ZDHHC21: variants seen among roughly 807,000 people sequenced by gnomAD.
ZDHHC21 encodes the protein zDHHC palmitoyltransferase 21.
In ZDHHC21, 15 loss-of-function variants were observed where a neutral mutation model predicts 34.6. The ratio of observed to expected loss-of-function variants is 0.43; its 90% CI spans 0.29 to 0.67. ZDHHC21 has a LOEUF of 0.67. Ranked by LOEUF, ZDHHC21 falls within the 30% of genes least tolerant of loss-of-function variation. ZDHHC21 has a pLI of 0.14. For missense variants in ZDHHC21, 344 were observed against 327.7 expected (o/e 1.05, Z -0.38); for synonymous variants, 142 against 101.8 (o/e 1.40, Z -2.38).
chr9:14,611,336 G>C lies in ZDHHC21; in HGVS notation c.*7630C>G, dbSNP rs1336802008. 1 of 151,812 alleles carries C rather than the reference G, an allele frequency of 6.6e-6. No individual in the cohort carries two copies. Among genetic ancestry groups the C allele is most frequent in the Non-Finnish European group, 1.5e-5 (1 of 67,868 alleles). The allele number at this position is 151,812 out of a possible 1,614,324, so 9.4% of individuals were successfully genotyped here. A position where few individuals can be genotyped will look rare whatever the true frequency, so the allele number is the denominator to read the frequency against. ...CATCTCAGCTACATGGTTCCCACTT[G>C]TCATTTCACCCATTTTACTCACTCT... On this transcript the variant is annotated 3_prime_UTR_variant, in exon 10 of 10. Transcript: ENST00000380916.
chr9:14,624,164 G>A (rs758102441), intron 8 of ZDHHC21, among the ~76,000 whole-genome samples: 13 of 151,928 alleles, frequency 8.6e-5, no homozygotes, highest in East Asian at 7.7e-4. Context: ...TAGTATTTAC[G>A]TTGTATCGGG....
intron 5 of ZDHHC21, among the ~76,000 whole-genome samples, chr9:14,664,106 T>C (rs1000536028): frequency 9.9e-5 from 15 of 152,168 alleles, no homozygotes; most frequent in Middle Eastern, 3.4e-3. Flanking sequence ...ACCGGGTTCA[T>C]CTCACTAGGG....
chr9:14,618,989 A>C lies in ZDHHC21; in HGVS notation c.775T>G (p.Tyr259Asp). 1 of 1,610,398 alleles carries C rather than the reference A, an allele frequency of 6.2e-7. No homozygotes were observed. The highest frequency in any genetic ancestry group is 8.5e-7 in the Non-Finnish European group (1 of 1,178,050). ...GTTTAGACATGATTGGCAAAGTGGT[A>C]GGGAACTCGCAGTGGTTGCCTCTGC... ...FRQRQPLRVP[Y>D]HFANHV The change falls in exon 10 of 10, where the codon TAC (tyrosine) becomes GAC (aspartate). Residue 259 changes from tyrosine (Y) to aspartate (D), a missense_variant. Physicochemically the swap from Tyr to Asp is radical, Grantham distance 160. Transcript: ENST00000380916.
chr9:14,650,753 A>G (rs999149995), intron 7 of ZDHHC21, among the ~76,000 whole-genome samples: 4 of 151,986 alleles, frequency 2.6e-5, no homozygotes, highest in Non-Finnish European at 5.9e-5. Flanking sequence ...ATATCAGCCA[A>G]TTGGAATAAT....
In ZDHHC21 at chr9:14,613,735, C is replaced by T. The variant is rs972790141; in HGVS notation, c.*5231G>A. On this transcript the variant is annotated 3_prime_UTR_variant, in exon 10 of 10. Coordinates refer to ENST00000380916, the MANE Select transcript of ZDHHC21 (RefSeq NM_178566.6). ...CCCAAATGTTAAAGTGAAAGCCACC[C>T]TTATATATTGTTTATTTTTCCTCTG... The T allele has an allele frequency of 1.5e-4, 22 of 151,652 alleles. No individual in the cohort carries two copies. Among genetic ancestry groups the T allele is most frequent in the Admixed American group, 1.4e-3 (22 of 15,184 alleles). 9.4% of individuals were successfully genotyped at this position (151,652 alleles called of 1,614,324 possible). A position where few individuals can be genotyped will look rare whatever the true frequency, so the allele number is the denominator to read the frequency against.
chr9:14,646,620 A>G (rs117847747), intron 7 of ZDHHC21, among the ~76,000 whole-genome samples: 2 of 152,204 alleles, frequency 1.3e-5, no homozygotes, highest in East Asian at 3.9e-4. Context: ...GCTATTTCTC[A>G]GACATAGCTA....
At chr9:14,677,217 G>A (rs1836572163) in intron 3 of ZDHHC21, 1 of 151,882 alleles carries the variant, frequency 6.6e-6, no homozygotes, top group Admixed American at 6.6e-5. Flanking sequence ...AAAAGAGCAA[G>A]CATCCCTAAG....
At chr9:14,674,517 T>C (rs1836011128) in intron 3 of ZDHHC21, 132 bp from the exon 4 acceptor site, 4 of 502,824 alleles carry the variant, frequency 8.0e-6, no homozygotes, top group Non-Finnish European at 1.4e-5. Context: ...GTAGTTGATA[T>C]ATTTATTGAT....
intron 6 of ZDHHC21, 135 bp downstream of exon 6, chr9:14,662,080 A>G: frequency 3.8e-6 from 2 of 529,224 alleles, no homozygotes; most frequent in Middle Eastern, 3.0e-4. Context: ...CATATAATCT[A>G]AATAAAGATA....
chr9:14,690,449 G>C (rs2382477), intron 1 of ZDHHC21, 64 bp from the exon 2 acceptor site: 4 of 425,366 alleles, frequency 9.4e-6, no homozygotes, highest in African/African-American at 2.1e-5. Flanking sequence ...GAGCATTTTA[G>C]GTTAGATTTA....
At chr9:14,672,806 A>G in intron 5 of ZDHHC21, 24 bp downstream of exon 5, 1 of 1,516,520 alleles carries the variant, frequency 6.6e-7, no homozygotes, top group Non-Finnish European at 9.0e-7. Context: ...CATCAGCAAA[A>G]CTGATAAATC....
chr9:14,656,878 AC>A (rs1832329317), intron 7 of ZDHHC21, among the ~76,000 whole-genome samples: 2 of 151,944 alleles, frequency 1.3e-5, no homozygotes, highest in African/African-American at 4.8e-5. Flanking sequence ...ACTTTTTAAA[AC>A]CCACTTTTTA....
chr9:14,680,518 A>G (rs541328729), intron 2 of ZDHHC21, among the ~76,000 whole-genome samples: 1 of 152,338 alleles, frequency 6.6e-6, no homozygotes, highest in Non-Finnish European at 1.5e-5. Flanking sequence ...GAATCTAATC[A>G]CAGTTCATAA....
At chr9:14,662,808 T>C (rs1356923389) in intron 5 of ZDHHC21, among the ~76,000 whole-genome samples, 2 of 152,226 alleles carry the variant, frequency 1.3e-5, no homozygotes. Flanking sequence ...ACAGATGGCA[T>C]TTCCCTCCAC....
chr9:14,589,376 A>T, the ZDHHC21 span: 23 of 152,244 alleles, frequency 1.5e-4, no homozygotes, highest in African/African-American at 5.5e-4. Flanking sequence ...AAGGAAAATA[A>T]ATGAGGTGAC....
intron 6 of ZDHHC21, 34 bp downstream of exon 6, chr9:14,662,181 C>G (rs1344389216): frequency 6.8e-7 from 1 of 1,462,290 alleles, no homozygotes; most frequent in East Asian, 2.3e-5. Flanking sequence ...ATTACCCACC[C>G]CTCTTTTCTT....
chr9:14,668,208 C>G (rs890714454), intron 5 of ZDHHC21, among the ~76,000 whole-genome samples: 7 of 135,956 alleles, frequency 5.1e-5, no homozygotes, highest in African/African-American at 1.9e-4. Context: ...ACATCAACAA[C>G]AGACAAACAG....
intron 2 of ZDHHC21, chr9:14,683,549 C>G (rs1837752375): frequency 6.6e-6 from 1 of 152,038 alleles, no homozygotes; most frequent in Non-Finnish European, 1.5e-5. Flanking sequence ...GAAATTGAGG[C>G]AATAATTAAT....
chr9:14,611,559 T>A lies in ZDHHC21; in HGVS notation c.*7407A>T, dbSNP rs950113018. On this transcript the variant is annotated 3_prime_UTR_variant, in exon 10 of 10. Transcript: ENST00000380916. ...ATGCCTGACAAATTTAAAAACAGGA[T>A]CTTCTTATGCCACTTGTAACATACC... The A allele has an allele frequency of 1.3e-5, 2 of 152,054 alleles. No homozygotes were observed. Among genetic ancestry groups the A allele is most frequent in the Admixed American group, 6.6e-5 (1 of 15,236 alleles). The allele number at this position is 152,054 out of a possible 1,614,324, so 9.4% of individuals were successfully genotyped here.
Sources: allele counts gnomAD v4.1 joint callset (sites outside exome capture counted in the v4.1 genomes callset), GRCh38; gene constraint gnomAD v4.1.1; transcripts MANE v1.5; gene names NCBI Gene and HGNC (gene_info 2026-07-23, HGNC 2026-07-21).